Variants in VDAC2 observed in about 807,000 individuals in gnomAD.
VDAC2 encodes non-selective voltage-gated ion channel VDAC2.
A neutral mutation model predicts 36.6 loss-of-function variants in VDAC2; 6 were observed. The ratio of observed to expected loss-of-function variants is 0.16; its 90% CI spans 0.09 to 0.32. VDAC2 has a LOEUF of 0.32. VDAC2 is among the 10% of genes least tolerant of loss of function. The probability of loss-of-function intolerance (pLI) is 1.00; values close to 1 mark genes in which losing one functional copy is unlikely to be tolerated. For synonymous variants in VDAC2, 109 were observed against 123.8 expected (o/e 0.88, Z 0.79); for missense variants, 247 against 346.0 (o/e 0.71, Z 2.27).
chr10:75,224,257 G>A (rs572114208), intron 8 of VDAC2, among the ~76,000 whole-genome samples: 22 of 152,308 alleles, frequency 1.4e-4, no homozygotes, highest in Admixed American at 2.6e-4. Context: ...AGAAATTATT[G>A]CTTGCTTGGT....
chr10:75,223,019 C>T (rs1351117438), intron 8 of VDAC2, among the ~76,000 whole-genome samples: 3 of 146,028 alleles, frequency 2.1e-5, no homozygotes, highest in Admixed American at 1.4e-4. Context: ...GAGTCTCTGT[C>T]GCCCGGGCTG....
At position 75,211,452 on chromosome 10, in the gene VDAC2, A is replaced by T. The variant is rs557439622; in HGVS notation, c.31+263A>T. On this transcript the variant is annotated intron_variant, in intron 2 of 9. Coordinates refer to ENST00000332211, the MANE Select transcript of VDAC2 (RefSeq NM_001391963.1). ...ATGTCTTTGACGTATAGAAGTAAAA[A>T]GTTGTTAATTGGGGATTCTGCCTTT... 2.2e-5 allele frequency: 33 copies of T among 1,493,952 alleles called. No homozygotes were observed. The East Asian group carries it at 7.9e-4, about 36-fold the overall frequency. 92.5% of individuals were successfully genotyped at this position (1,493,952 alleles called of 1,614,324 possible). A position where few individuals can be genotyped will look rare whatever the true frequency, so the allele number is the denominator to read the frequency against.
At chr10:75,228,147 G>T (rs555179287) in intron 8 of VDAC2, among the ~76,000 whole-genome samples, 53 of 148,638 alleles carry the variant, frequency 3.6e-4, no homozygotes, top group African/African-American at 1.3e-3. Flanking sequence ...GCCTGCCTCG[G>T]CCTCCCAAAG....
intron 8 of VDAC2, among the ~76,000 whole-genome samples, chr10:75,224,993 G>C (rs568639205): frequency 1.3e-5 from 2 of 152,294 alleles, no homozygotes; most frequent in South Asian, 4.1e-4. Flanking sequence ...TAACGAAACT[G>C]ATTTTTTTTG....
chr10:75,220,799 G>A lies in VDAC2; in HGVS notation c.413G>A (p.Cys138Tyr). ...SYKRECINLGCDVDFDFAGPA... is the reference protein window; with the variant it reads ...SYKRECINLGYDVDFDFAGPA... ...AAGAGGGAGTGTATAAACCTTGGTT[G>A]TGATGTTGACTTTGATTTTGCTGGA... The change falls in exon 7 of 10, where the codon TGT (cysteine) becomes TAT (tyrosine). Residue 138 changes from cysteine (C) to tyrosine (Y), a missense_variant. Coordinates refer to ENST00000332211, the MANE Select transcript of VDAC2 (RefSeq NM_001391963.1). The A allele has an allele frequency of 1.9e-6, 3 of 1,613,440 alleles. No individual in the cohort carries two copies. The highest frequency in any genetic ancestry group is 1.6e-4 in the Middle Eastern group (1 of 6,062).
At chr10:75,226,005 C>G (rs2132278112) in intron 8 of VDAC2, among the ~76,000 whole-genome samples, 1 of 152,118 alleles carries the variant, frequency 6.6e-6, no homozygotes, top group East Asian at 1.9e-4. Flanking sequence ...GTTGGCCAGG[C>G]TGGTCTCAAA....
chr10:75,220,663 T>G, intron 6 of VDAC2, 80 bp from the exon 7 acceptor site: 3 of 1,257,306 alleles, frequency 2.4e-6, no homozygotes, highest in Non-Finnish European at 3.3e-6. Context: ...TACTGCAGTT[T>G]ATTTAAGTCT....
At position 75,210,908 on chromosome 10, in the gene VDAC2, G is replaced by T. The variant is rs1426372504; in HGVS notation, c.-56G>T. 1.0e-5 allele frequency: 4 copies of T among 391,598 alleles called. No homozygotes were observed. The highest frequency in any genetic ancestry group is 6.3e-5 in the African/African-American group (3 of 47,866). The allele number at this position is 391,598 out of a possible 1,614,324, so 24.3% of individuals were successfully genotyped here. A position where few individuals can be genotyped will look rare whatever the true frequency, so the allele number is the denominator to read the frequency against. On this transcript the variant is annotated 5_prime_UTR_variant, in exon 1 of 10. Coordinates refer to ENST00000332211, the MANE Select transcript of VDAC2 (RefSeq NM_001391963.1). ...AGCGGCTTCAGCAGCTAGCGGAGCGGTGGCGGCGGCCCCCCTCAGGACACC... is the reference window on the plus strand; with the variant it reads ...AGCGGCTTCAGCAGCTAGCGGAGCGTTGGCGGCGGCCCCCCTCAGGACACC...
chr10:75,212,088 A>G (rs1188848815), intron 2 of VDAC2, 142 bp from the exon 3 acceptor site: 73 of 715,052 alleles, frequency 1.0e-4, no homozygotes, highest in Non-Finnish European at 1.3e-4. Context: ...TTATAGTTCT[A>G]TTGTAGCTCC....
intron 4 of VDAC2, chr10:75,218,024 G>A: frequency 1.0e-6 from 1 of 954,714 alleles, no homozygotes; most frequent in Non-Finnish European, 1.5e-6. Flanking sequence ...GGAGGTTGAG[G>A]CTGCAGTCAG....
At chr10:75,226,548 C>T (rs755614277) in intron 8 of VDAC2, among the ~76,000 whole-genome samples, 11 of 150,870 alleles carry the variant, frequency 7.3e-5, no homozygotes, top group Admixed American at 6.6e-5. Flanking sequence ...CCTCAACCTC[C>T]GCCTCTCGGG....
At chr10:75,221,765 C>T (rs1391330979) in intron 7 of VDAC2, among the ~76,000 whole-genome samples, 1 of 152,216 alleles carries the variant, frequency 6.6e-6, no homozygotes, top group Non-Finnish European at 1.5e-5. Flanking sequence ...TGAGCCACTG[C>T]ATCCAGCCTG....
At chr10:75,215,671 T>G (rs904353828) in intron 4 of VDAC2, among the ~76,000 whole-genome samples, 1 of 151,032 alleles carries the variant, frequency 6.6e-6, no homozygotes, top group African/African-American at 2.4e-5. Flanking sequence ...ATTTTTGATG[T>G]AGTGCATGTA....
At chr10:75,227,946 G>A (rs1842007227) in intron 8 of VDAC2, among the ~76,000 whole-genome samples, 1 of 150,198 alleles carries the variant, frequency 6.7e-6, no homozygotes, top group African/African-American at 2.5e-5. Context: ...CCAGGCTGGA[G>A]TGCAGTGGCA....
chr10:75,229,406 C>G, intron 8 of VDAC2: 1 of 357,388 alleles, frequency 2.8e-6, no homozygotes, highest in Non-Finnish European at 5.1e-6. Flanking sequence ...AGTTTGGGGT[C>G]TTTGGATACA....
chr10:75,226,550 C>T (rs942516742), intron 8 of VDAC2, among the ~76,000 whole-genome samples: 1 of 151,038 alleles, frequency 6.6e-6, no homozygotes. Flanking sequence ...TCAACCTCCG[C>T]CTCTCGGGTT....
chr10:75,212,539 G>C (rs530853001), intron 3 of VDAC2, among the ~76,000 whole-genome samples: 1 of 152,166 alleles, frequency 6.6e-6, no homozygotes, highest in South Asian at 2.1e-4. Context: ...AGCCTCCCAC[G>C]TCCCAAGTAG....
upstream of VDAC2, among the ~76,000 whole-genome samples, chr10:75,210,452 C>T (rs969041657): frequency 1.3e-5 from 2 of 152,346 alleles, no homozygotes; most frequent in Admixed American, 1.3e-4. Context: ...CCCTGGTGCG[C>T]AGCCGCGCCC....
At chr10:75,226,457 T>G (rs1375354920) in intron 8 of VDAC2, among the ~76,000 whole-genome samples, 8 of 148,306 alleles carry the variant, frequency 5.4e-5, no homozygotes, top group South Asian at 2.2e-4. Flanking sequence ...GTGGGTTTTT[T>G]TTTTTTTTTT....
Sources: gnomAD v4.1 joint callset for allele counts (sites outside exome capture counted in the v4.1 genomes callset) on GRCh38, gnomAD v4.1.1 for gene constraint, MANE v1.5 for transcripts, NCBI Gene and HGNC (gene_info 2026-07-23, HGNC 2026-07-21) for gene names.